ANKS1A: variants seen among roughly 807,000 people sequenced by gnomAD.
ANKS1A encodes the protein ankyrin repeat and SAM domain-containing protein 1A.
Under a neutral mutation model 120.3 loss-of-function variants are expected in ANKS1A, and 55 were observed. The ratio of observed to expected loss-of-function variants is 0.46; its 90% confidence interval spans 0.37 to 0.57. The LOEUF (loss-of-function observed/expected upper bound fraction) is 0.57. Ranked by LOEUF, ANKS1A falls within the 20% of genes least tolerant of loss-of-function variation. The probability of loss-of-function intolerance (pLI) is 0.00; values close to 1 mark genes in which losing one functional copy is unlikely to be tolerated. For missense variants in ANKS1A, 1,123 were observed against 1,480.3 expected, an observed-to-expected ratio of 0.76 and a Z score of 3.96; for synonymous variants, 590 against 604.7, an observed-to-expected ratio of 0.98 and a Z score of 0.36.
chr6:34,930,614 C>G (rs749883069), intron 1 of ANKS1A, among the ~76,000 whole-genome samples: 3 of 152,286 alleles, frequency 2.0e-5, no homozygotes, highest in East Asian at 1.9e-4. Flanking sequence ...CTCCTCTTTC[C>G]TTTATCTTTT....
intron 11 of ANKS1A, among the ~76,000 whole-genome samples, chr6:35,052,165 T>C (rs1775999450): frequency 6.6e-6 from 1 of 151,668 alleles, no homozygotes; most frequent in South Asian, 2.1e-4. Flanking sequence ...AAAGAAAAAA[T>C]AGCCAGGTAC....
intron 16 of ANKS1A, 111 bp downstream of exon 16, chr6:35,080,039 C>A: frequency 8.0e-7 from 1 of 1,252,708 alleles, no homozygotes; most frequent in Non-Finnish European, 1.1e-6. Context: ...GAGAAAGCAG[C>A]TCCAACAAGA....
chr6:35,017,793 G>A lies in ANKS1A; in HGVS notation c.1744G>A (p.Glu582Lys). The A allele has an allele frequency of 6.2e-7, 1 of 1,614,208 alleles. No individual in the cohort carries two copies. Among genetic ancestry groups the A allele is most frequent in the South Asian group, 1.1e-5 (1 of 91,090 alleles). Reference protein sequence around the residue: ...LPTTNSRSHPETLTHTASPHP... With the variant: ...LPTTNSRSHPKTLTHTASPHP... ...CACCACCAACAGCCGCTCGCACCCT[G>A]AAACTTTGACTCACACAGCATCTCC... Residue 582 changes from glutamate (E) to lysine (K), a missense_variant, in exon 11 of 24, where the codon GAA (glutamate) becomes AAA (lysine). Coordinates refer to ENST00000360359, the MANE Select transcript of ANKS1A (RefSeq NM_015245.3).
At chr6:35,079,738 C>T in intron 15 of ANKS1A, 70 bp downstream of exon 15, 1 of 1,612,342 alleles carries the variant, frequency 6.2e-7, no homozygotes, top group African/African-American at 1.3e-5. Context: ...GCAGCCTGGC[C>T]CAGCGGAAGA....
chr6:34,991,695 TATATATACATATATACAC>T (rs1188218053), intron 9 of ANKS1A, among the ~76,000 whole-genome samples: 11 of 115,110 alleles, frequency 9.6e-5, no homozygotes, highest in South Asian at 8.3e-4. Context: ...TATATACACA[TATATATACATATATACAC>T]ATATATATAC....
chr6:35,055,645 A>G (rs1488089744), intron 12 of ANKS1A, among the ~76,000 whole-genome samples: 3 of 152,168 alleles, frequency 2.0e-5, no homozygotes, highest in Non-Finnish European at 2.9e-5. Context: ...CCTTTTGTCC[A>G]TGAAATCATT....
At chr6:35,025,251 TACAC>T (rs3840543) in intron 11 of ANKS1A, among the ~76,000 whole-genome samples, 2 of 148,476 alleles carry the variant, frequency 1.3e-5, no homozygotes, top group African/African-American at 2.5e-5. Flanking sequence ...TATATGTGTA[TACAC>T]ACACACACAC....
At chr6:34,962,987 G>T (rs989965816) in intron 1 of ANKS1A, among the ~76,000 whole-genome samples, 1 of 150,452 alleles carries the variant, frequency 6.6e-6, no homozygotes, top group Admixed American at 6.6e-5. Context: ...TCAGCCTCCC[G>T]AGTAGCTGGG....
chr6:34,981,782 C>A lies in ANKS1A; in HGVS notation c.528C>A (p.Thr176=). Residue 176 remains threonine (T), a synonymous_variant, in exon 4 of 24, where the codon ACC becomes ACA. Coordinates refer to ENST00000360359, the MANE Select transcript of ANKS1A (RefSeq NM_015245.3). ...KVLLEELTDP[T]MRNNKFETPL... is the part of the protein sequence containing the mutation. The stretch of plus-strand genomic sequence containing the variant: ...TCTTAGAGGAGCTGACGGACCCCAC[C>A]ATGCGCAACAACAAATTCGAGACCC... 6.2e-7 allele frequency: 1 copy of A among 1,614,178 alleles called. No homozygotes were observed.
rs149432823 is a variant in ANKS1A, at chr6:35,057,636, A to T, written c.2078-2511A>T. 3.1e-4 allele frequency among the ~76,000 whole-genome samples: 47 copies of T among 152,298 alleles called. No individual in the cohort carries two copies. Among genetic ancestry groups the T allele is most frequent in the Non-Finnish European group, 4.0e-4 (27 of 68,016 alleles). On this transcript the variant is annotated intron_variant, in intron 12 of 23. Transcript: ENST00000360359. The surrounding 1 kb of genome is among the most constrained non-coding windows in gnomAD (Gnocchi z 4.1). Reference sequence around the variant, plus strand: ...CCTGGTTTCCCCCTTGCCCTTGGCCATCGCTGTCCTCCCCCAGAGTGTGAG... The same window carrying T: ...CCTGGTTTCCCCCTTGCCCTTGGCCTTCGCTGTCCTCCCCCAGAGTGTGAG...
At chr6:35,095,486 G>T (rs1434310130), downstream of ANKS1A, among the ~76,000 whole-genome samples, 2 of 150,218 alleles carry the variant, frequency 1.3e-5, no homozygotes, top group African/African-American at 4.9e-5. Context: ...GAACCCAGGA[G>T]GTGGAGGTTG....
chr6:35,048,180 G>A (rs73403834), intron 11 of ANKS1A, among the ~76,000 whole-genome samples: 3,961 of 152,236 alleles, frequency 0.026, 62 homozygotes, highest in Middle Eastern at 0.058. Flanking sequence ...CAGGGAAGAC[G>A]GACAAAGCAC....
chr6:34,889,582 C>T lies in ANKS1A; in HGVS notation c.180C>T (p.Pro60=), dbSNP rs574085852. 1.5e-6 allele frequency: 2 copies of T among 1,299,184 alleles called. No homozygotes were observed. The highest frequency in any genetic ancestry group is 1.9e-6 in the Non-Finnish European group (2 of 1,034,034). The allele number at this position is 1,299,184 out of a possible 1,614,324, so 80.5% of individuals were successfully genotyped here. A position where few individuals can be genotyped will look rare whatever the true frequency, so the allele number is the denominator to read the frequency against. Residue 60 remains proline (P), a synonymous_variant, in exon 1 of 24, where the codon CCC becomes CCT. Coordinates refer to ENST00000360359, the MANE Select transcript of ANKS1A (RefSeq NM_015245.3). The surrounding 1 kb of genome is among the most constrained non-coding windows in gnomAD (Gnocchi z 5.5). ...GGGGLGSSSH[P]LSSLLSMWRG... is the part of the protein sequence containing the mutation. Reference sequence around the variant, plus strand: ...GCGGCCTCGGCTCTTCCAGCCACCCCCTCTCCAGTCTGCTCAGGTGGGTAC... The same window carrying T: ...GCGGCCTCGGCTCTTCCAGCCACCCTCTCTCCAGTCTGCTCAGGTGGGTAC...
chr6:34,974,254 CCTTCCCCTTCG>C, intron 3 of ANKS1A, among the ~76,000 whole-genome samples: 1 of 29,932 alleles, frequency 3.3e-5, no homozygotes, highest in Non-Finnish European at 6.3e-5. Context: ...TTCCCCTTCC[CCTTCCCCTTCG>C]CTTCCCCTTC....
chr6:35,010,013 C>G (rs1773670752), intron 10 of ANKS1A: 1 of 205,774 alleles, frequency 4.9e-6, no homozygotes, highest in African/African-American at 2.5e-5. Flanking sequence ...GATCTTGTCT[C>G]TACGAAAATA....
chr6:35,032,419 G>A (rs1431771205), intron 11 of ANKS1A, among the ~76,000 whole-genome samples: 1 of 152,210 alleles, frequency 6.6e-6, no homozygotes, highest in Non-Finnish European at 1.5e-5. Context: ...GCTCTTGTTT[G>A]TGTGTGTGGC....
chr6:35,035,807 G>A (rs780647836), intron 11 of ANKS1A, among the ~76,000 whole-genome samples: 2 of 152,212 alleles, frequency 1.3e-5, no homozygotes, highest in Non-Finnish European at 2.9e-5. Flanking sequence ...TTCCTGTGGA[G>A]TGTGGCAGGC....
intron 11 of ANKS1A, among the ~76,000 whole-genome samples, chr6:35,040,480 A>G (rs965577547): frequency 6.6e-6 from 1 of 152,226 alleles, no homozygotes; most frequent in Non-Finnish European, 1.5e-5. Context: ...GGGGCAAAGG[A>G]AAAAAGAGGA....
chr6:35,084,321 C>T lies in ANKS1A; in HGVS notation c.3132+63C>T, dbSNP rs1777848672. On this transcript the variant is annotated intron_variant, in intron 21 of 23. Transcript: ENST00000360359. The surrounding 1 kb of genome is among the most constrained non-coding windows in gnomAD (Gnocchi z 4.8). ...GTTGCAGCCCTGAGGCGTCCAGCCC[C>T]ATTGCAGGGCACAGATGCGGCGCTG... 27 of 1,589,910 alleles carry T rather than the reference C, an allele frequency of 1.7e-5. No individual in the cohort carries two copies. The South Asian group carries it at 2.7e-4, about 16-fold the overall frequency.
Sources: allele counts gnomAD v4.1 joint callset (sites outside exome capture counted in the v4.1 genomes callset), GRCh38; gene constraint gnomAD v4.1.1; non-coding constraint Gnocchi (gnomAD v3.1); transcripts MANE v1.5; gene names NCBI Gene and HGNC (gene_info 2026-07-23, HGNC 2026-07-21).